Variants in MARK1 observed in about 807,000 individuals in gnomAD.
MARK1 encodes the protein serine/threonine-protein kinase MARK1.
A neutral mutation model predicts 96.3 loss-of-function variants in MARK1; 40 were observed. The ratio of observed to expected loss-of-function variants is 0.42; its 90% confidence interval spans 0.32 to 0.54. The LOEUF is 0.54. Ranked by LOEUF, MARK1 falls within the 20% of genes least tolerant of loss-of-function variation. The pLI is 0.16. For missense variants in MARK1, 719 were observed against 984.6 expected (o/e 0.73, Z 3.61); for synonymous variants, 317 against 341.2 (o/e 0.93, Z 0.78).
chr1:220,652,171 C>G, intron 15 of MARK1, 21 bp downstream of exon 15: 1 of 1,572,610 alleles, frequency 6.4e-7, no homozygotes, highest in Non-Finnish European at 8.7e-7. Flanking sequence ...GGTTACATCT[C>G]ATTTTGTTCA....
intron 1 of MARK1, among the ~76,000 whole-genome samples, chr1:220,552,415 T>C (rs1661926798): frequency 6.6e-6 from 1 of 152,170 alleles, no homozygotes; most frequent in South Asian, 2.1e-4. Context: ...GGAGTACATA[T>C]TGCATCCTGG....
rs886365191 is a variant in MARK1, at chr1:220,650,810, G to A, written c.1571+90G>A. 6 of 830,080 alleles carry A rather than the reference G, an allele frequency of 7.2e-6. No homozygotes were observed. In the African/African-American group the frequency reaches 8.6e-5, roughly 12 times the overall value. 51.4% of individuals were successfully genotyped at this position (830,080 alleles called of 1,614,324 possible). On this transcript the variant is annotated intron_variant, in intron 14 of 17. Coordinates refer to ENST00000366917, the MANE Select transcript of MARK1 (RefSeq NM_018650.5). ...ATGCCTGCAGCCGAATGGGTCAGGA[G>A]AAAAGCAGTTATTACATGAAATAGT...
At chr1:220,607,599 C>T (rs911333095) in intron 6 of MARK1, among the ~76,000 whole-genome samples, 3 of 151,744 alleles carry the variant, frequency 2.0e-5, no homozygotes, top group Non-Finnish European at 2.9e-5. Context: ...TGTCGTGTGC[C>T]GGTTTTCAAA....
At chr1:220,573,423 A>C (rs1663609266) in intron 1 of MARK1, among the ~76,000 whole-genome samples, 1 of 152,066 alleles carries the variant, frequency 6.6e-6, no homozygotes, top group Admixed American at 6.5e-5. Flanking sequence ...TCCTGGGTTC[A>C]CACTGTTCTC....
At position 220,618,618 on chromosome 1, in the gene MARK1, T is replaced by G. The variant is rs774026185; in HGVS notation, c.790-18T>G. On this transcript the variant is annotated intron_variant, in intron 8 of 17. Coordinates refer to ENST00000366917, the MANE Select transcript of MARK1 (RefSeq NM_018650.5). This position sits in a 1 kb window ranked among gnomAD's most constrained non-coding sequence, Gnocchi z 4.6. ...TGTCAAAAACCAGTTATAAGTGCTT[T>G]CTTTCACTTTTATTAAGGAACTGCG... is the stretch of plus-strand genomic sequence containing the variant. 22 of 1,613,570 alleles carry G rather than the reference T, an allele frequency of 1.4e-5. 1 individual carries two copies. The South Asian group carries it at 2.1e-4, about 15-fold the overall frequency.
At chr1:220,587,748 AATATAC>A (rs969662030) in intron 3 of MARK1, among the ~76,000 whole-genome samples, 1 of 152,160 alleles carries the variant, frequency 6.6e-6, no homozygotes, top group African/African-American at 2.4e-5. Context: ...TTTTCTCCTT[AATATAC>A]TATATCTATT....
intron 1 of MARK1, among the ~76,000 whole-genome samples, chr1:220,542,344 G>T (rs1340778316): frequency 6.6e-6 from 1 of 152,102 alleles, no homozygotes; most frequent in Non-Finnish European, 1.5e-5. Context: ...ATTTATTGTT[G>T]ATATCTGCTA....
At chr1:220,635,292 T>C in intron 11 of MARK1, 84 bp from the exon 12 acceptor site, 1 of 1,290,252 alleles carries the variant, frequency 7.8e-7, no homozygotes, top group South Asian at 1.6e-5. Context: ...TTTAAGTCAT[T>C]TAGAAAATCA....
intron 1 of MARK1, 73 bp downstream of exon 1, chr1:220,528,946 G>C: frequency 2.8e-6 from 4 of 1,449,244 alleles, no homozygotes; most frequent in Non-Finnish European, 3.7e-6. Context: ...ACCCGCGCTT[G>C]GGCCGTCCCC....
intron 3 of MARK1, among the ~76,000 whole-genome samples, chr1:220,590,559 C>T (rs2184936): frequency 0.024 from 3,721 of 152,228 alleles, 114 homozygotes; most frequent in East Asian, 0.16. Flanking sequence ...TATAGTCACA[C>T]TGGGCATTAG....
Position 220,579,540 on chromosome 1 carries a change from G to T in MARK1, c.238G>T (p.Val80Phe). The T allele has an allele frequency of 6.2e-7, 1 of 1,613,910 alleles. No homozygotes were observed. Among genetic ancestry groups the T allele is most frequent in the Non-Finnish European group, 8.5e-7 (1 of 1,179,880 alleles). ...TGCCAAAGTCAAATTGGCAAGACAC[G>T]TTCTAACTGGTAGAGAGGTAAGTTT... ...NFAKVKLARH[V>F]LTGREVAVKI... is the part of the protein sequence containing the mutation. The change falls in exon 2 of 18, where the codon GTT becomes TTT. Residue 80 changes from valine to phenylalanine, a missense_variant. This residue lies in a region of MARK1 where 105 missense variants were observed against 133.4 expected (regional missense o/e 0.79). Coordinates refer to ENST00000366917, the MANE Select transcript of MARK1 (RefSeq NM_018650.5).
At chr1:220,534,895 T>A (rs761594350) in intron 1 of MARK1, among the ~76,000 whole-genome samples, 2 of 152,156 alleles carry the variant, frequency 1.3e-5, no homozygotes, top group African/African-American at 2.4e-5. Context: ...CATTGTATTA[T>A]GTACCTTGTT....
At chr1:220,651,151 C>G (rs1232173410) in intron 14 of MARK1, among the ~76,000 whole-genome samples, 1 of 152,096 alleles carries the variant, frequency 6.6e-6, no homozygotes, top group Non-Finnish European at 1.5e-5. Context: ...TCATTCAGAA[C>G]CACATAATTT....
chr1:220,587,328 TTTC>T (rs1299928568), intron 3 of MARK1, among the ~76,000 whole-genome samples: 4 of 76,104 alleles, frequency 5.3e-5, no homozygotes, highest in African/African-American at 1.3e-4. Context: ...TCTCTCTTTC[TTTC>T]TCTCTCTCTC....
intron 1 of MARK1, among the ~76,000 whole-genome samples, chr1:220,549,921 TA>T (rs1450987718): frequency 6.6e-6 from 1 of 152,234 alleles, no homozygotes; most frequent in Non-Finnish European, 1.5e-5. Context: ...TCAGTAATGG[TA>T]TCAAAGAAGC....
intron 3 of MARK1, among the ~76,000 whole-genome samples, chr1:220,592,339 G>A (rs1010842844): frequency 3.3e-5 from 5 of 151,706 alleles, no homozygotes; most frequent in Middle Eastern, 3.4e-3. Context: ...TAGCCATGTT[G>A]GAGAAGTCCA....
chr1:220,576,043 A>G (rs955740672), intron 1 of MARK1, among the ~76,000 whole-genome samples: 4 of 1,000 alleles, frequency 4.0e-3, no homozygotes, highest in African/African-American at 0.016. Flanking sequence ...AGACTCTGCT[A>G]AAATGTAAAC....
rs750309394 is a variant in MARK1, at chr1:220,598,317, G to A, written c.310-14G>A. ...TTTTTTAACAGAAATATATCTACCT[G>A]TTTTCTTTAACAGTTATTTCGAGAA... On this transcript the variant is annotated splice_polypyrimidine_tract_variant and intron_variant, in intron 3 of 17. Coordinates refer to ENST00000366917, the MANE Select transcript of MARK1 (RefSeq NM_018650.5). 2 of 625,614 alleles carry A rather than the reference G, an allele frequency of 3.2e-6. No homozygotes were observed. Among genetic ancestry groups the A allele is most frequent in the Admixed American group, 2.4e-5 (1 of 41,850 alleles). 38.8% of individuals were successfully genotyped at this position (625,614 alleles called of 1,614,324 possible).
In MARK1 at chr1:220,615,928, GT is replaced by G; in HGVS notation, c.496-8del. 6.8e-7 allele frequency: 1 copy of G among 1,472,816 alleles called. No individual in the cohort carries two copies. The highest frequency in any genetic ancestry group is 9.3e-7 in the Non-Finnish European group (1 of 1,071,878). 91.2% of individuals were successfully genotyped at this position (1,472,816 alleles called of 1,614,324 possible). ...AATAATTTGACTCTTTTATCCAAAT[GT>G]TTATTCCAGATTGTATCTGCTGTAC... is the stretch of plus-strand genomic sequence containing the variant. On this transcript the variant is annotated splice_polypyrimidine_tract_variant and intron_variant, in intron 6 of 17. Coordinates refer to ENST00000366917, the MANE Select transcript of MARK1 (RefSeq NM_018650.5).
Sources: allele counts gnomAD v4.1 joint callset (sites outside exome capture counted in the v4.1 genomes callset), GRCh38; gene constraint gnomAD v4.1.1; regional missense constraint gnomAD v4.1.1; non-coding constraint Gnocchi (gnomAD v3.1); transcripts MANE v1.5; gene names NCBI Gene and HGNC (gene_info 2026-07-23, HGNC 2026-07-21).